The following RBFOX1 variants were observed in gnomAD, a reference collection of about 807,000 sequenced individuals.
RBFOX1 encodes the protein RNA binding protein fox-1 homolog 1.
In RBFOX1, 8 loss-of-function variants were observed where a neutral mutation model predicts 57.7. The observed-to-expected ratio is 0.14, with a 90% CI of 0.08 to 0.25. The LOEUF (loss-of-function observed/expected upper bound fraction) is 0.25. Ranked by LOEUF, RBFOX1 falls within the 10% of genes least tolerant of loss-of-function variation. The pLI is 1.00. For missense variants in RBFOX1, 611 were observed against 548.5 expected (o/e 1.11, Z -1.14); for synonymous variants, 326 against 222.4 (o/e 1.47, Z -4.15).
At chr16:5,418,631 C>T (rs973007250) in intron 1 of RBFOX1, among the ~76,000 whole-genome samples, 23 of 152,152 alleles carry the variant, frequency 1.5e-4, no homozygotes, top group African/African-American at 3.9e-4. Context: ...CTAACCACCC[C>T]GCCATACCTC....
chr16:7,079,203 G>C (rs533959086), intron 4 of RBFOX1, among the ~76,000 whole-genome samples: 42 of 152,006 alleles, frequency 2.8e-4, no homozygotes, highest in African/African-American at 9.7e-4. Flanking sequence ...CCATCCAGGC[G>C]CGGGACTGCA....
chr16:6,523,220 G>T lies in RBFOX1; in HGVS notation c.-63-131383G>T, dbSNP rs140795148. Among the ~76,000 whole-genome samples the T allele has an allele frequency of 9.8e-3, 1,485 of 152,156 alleles. 17 individuals are homozygous for T. Among genetic ancestry groups the T allele is most frequent in the Middle Eastern group, 0.051 (15 of 294 alleles). On this transcript the variant is annotated intron_variant, in intron 2 of 15. Transcript: ENST00000550418. ...AGCATGCAGAGGAATATCTGATAAA[G>T]AGCAAGTACTTGGGAAATACCTGAG...
chr16:6,317,343 G>T (rs935157211), intron 2 of RBFOX1, among the ~76,000 whole-genome samples: 1 of 152,018 alleles, frequency 6.6e-6, no homozygotes, highest in Non-Finnish European at 1.5e-5. Flanking sequence ...ATGTGTTTTT[G>T]GTTTCTTTTT....
At chr16:7,187,930 G>C (rs190416044) in intron 4 of RBFOX1, among the ~76,000 whole-genome samples, 151 of 152,212 alleles carry the variant, frequency 9.9e-4, no homozygotes, top group African/African-American at 3.4e-3. Flanking sequence ...GACCGCATGG[G>C]TCAAATCACA....
chr16:5,780,169 A>C (rs2054280992), intron 3 of RBFOX1, among the ~76,000 whole-genome samples: 1 of 152,216 alleles, frequency 6.6e-6, no homozygotes, highest in East Asian at 1.9e-4. Flanking sequence ...GGCCTGGCTA[A>C]TTTTTGTATT....
At position 7,185,043 on chromosome 16, in the gene RBFOX1, A is replaced by G. The variant is rs116908769; in HGVS notation, c.27+132945A>G. 1.2e-4 allele frequency among the ~76,000 whole-genome samples: 19 copies of G among 152,326 alleles called. 1 individual carries two copies. In the East Asian group the frequency reaches 3.7e-3, roughly 29 times the overall value. ...GAAATTGATCCTTAGATTAAATAAC[A>G]TACTTGAAATTGTGCAGTAAGTACA... On this transcript the variant is annotated intron_variant, in intron 4 of 15. Coordinates refer to ENST00000550418, the MANE Select transcript of RBFOX1 (RefSeq NM_018723.4).
At chr16:6,010,072 G>A (rs2094952454) in intron 4 of RBFOX1, among the ~76,000 whole-genome samples, 1 of 152,134 alleles carries the variant, frequency 6.6e-6, no homozygotes, top group Non-Finnish European at 1.5e-5. Context: ...AAAGCTAACA[G>A]TTTCCCTTCT....
At chr16:6,983,009 A>AAG (rs1465080382) in intron 3 of RBFOX1, among the ~76,000 whole-genome samples, 1 of 151,090 alleles carries the variant, frequency 6.6e-6, no homozygotes, top group African/African-American at 2.4e-5. Flanking sequence ...AAAAAAAAAA[A>AAG]AAAAAAAAGG....
chr16:6,219,758 C>A (rs1355342252), intron 1 of RBFOX1, among the ~76,000 whole-genome samples: 1 of 152,028 alleles, frequency 6.6e-6, no homozygotes, highest in Non-Finnish European at 1.5e-5. Flanking sequence ...TGCCAGTAAT[C>A]CCAGCTACTC....
intron 4 of RBFOX1, among the ~76,000 whole-genome samples, chr16:7,204,654 A>G (rs111471239): frequency 1.7e-4 from 26 of 152,302 alleles, no homozygotes; most frequent in African/African-American, 6.0e-4. Context: ...TTAAGAAAAT[A>G]AAAATGAAAA....
chr16:7,417,368 G>A (rs2098489318), intron 4 of RBFOX1, among the ~76,000 whole-genome samples: 2 of 69,110 alleles, frequency 2.9e-5, no homozygotes, highest in Non-Finnish European at 5.5e-5. Flanking sequence ...GCGAGACTCT[G>A]TGTCAAAGAA....
intron 1 of RBFOX1, among the ~76,000 whole-genome samples, chr16:6,306,728 C>A (rs906691405): frequency 1.3e-5 from 2 of 152,194 alleles, no homozygotes; most frequent in African/African-American, 4.8e-5. Flanking sequence ...AGTTGCCGTC[C>A]ATTTCTGCCT....
intron 11 of RBFOX1, among the ~76,000 whole-genome samples, chr16:7,647,132 A>G (rs1166795188): frequency 1.3e-5 from 2 of 152,196 alleles, no homozygotes; most frequent in South Asian, 4.1e-4. Flanking sequence ...TCCATGGGAC[A>G]GAACTTCTTA....
At chr16:6,964,271 G>A (rs919751277) in intron 3 of RBFOX1, among the ~76,000 whole-genome samples, 2 of 152,104 alleles carry the variant, frequency 1.3e-5, no homozygotes, top group African/African-American at 2.4e-5. Flanking sequence ...CACCCCCCTC[G>A]ACCTCCCAAA....
At position 5,450,978 on chromosome 16, in the gene RBFOX1, C is replaced by T. The variant is rs551458924; in HGVS notation, c.220-16238C>T. ...CTGGAAAATGGGGCTGATCACGGGC[C>T]ATATCTGTCAGCATGACTGTGATGA... On this transcript the variant is annotated intron_variant, in intron 1 of 2. Transcript: ENST00000585867. 7.7e-4 allele frequency among the ~76,000 whole-genome samples: 117 copies of T among 152,282 alleles called. 2 individuals carry two copies. The highest frequency in any genetic ancestry group is 2.7e-3 in the African/African-American group (114 of 41,552).
chr16:6,727,050 A>AACACACAGACACACAC (rs1555736415), intron 3 of RBFOX1, among the ~76,000 whole-genome samples: 1 of 135,790 alleles, frequency 7.4e-6, no homozygotes, highest in Non-Finnish European at 1.6e-5. Context: ...ATTTGGACTG[A>AACACACAGACACACAC]ACACACACAC....
chr16:7,052,189 A>C, intron 4 of RBFOX1, 91 bp downstream of exon 4: 1 of 1,512,898 alleles, frequency 6.6e-7, no homozygotes, highest in Non-Finnish European at 8.8e-7. Context: ...ACGGGTTCTA[A>C]ATAACAGGCT....
chr16:6,150,494 C>G (rs1023319724), intron 1 of RBFOX1, among the ~76,000 whole-genome samples: 9 of 152,092 alleles, frequency 5.9e-5, no homozygotes, highest in African/African-American at 2.2e-4. Context: ...AAATTAGTGC[C>G]TATGTTGACC....
intron 4 of RBFOX1, among the ~76,000 whole-genome samples, chr16:5,969,298 CTTTTTTTTT>C (rs71142659): frequency 6.0e-5 from 5 of 83,748 alleles, no homozygotes; most frequent in South Asian, 5.1e-4. Context: ...TTCGGTTGTT[CTTTTTTTTT>C]TTTTTTTTTT....
Sources: allele counts gnomAD v4.1 joint callset (sites outside exome capture counted in the v4.1 genomes callset), GRCh38; gene constraint gnomAD v4.1.1; transcripts MANE v1.5; gene names NCBI Gene and HGNC (gene_info 2026-07-23, HGNC 2026-07-21).